TMCO5A: variants seen among roughly 807,000 people sequenced by gnomAD.
TMCO5A encodes the protein transmembrane and coiled-coil domain-containing protein 5A.
In TMCO5A, 34 loss-of-function variants were observed where a neutral mutation model predicts 42.3. The observed-to-expected ratio is 0.80, with a 90% confidence interval of 0.61 to 1.07. The LOEUF is 1.07. Among genes scored for constraint, TMCO5A ranks in the 50% least tolerant of loss-of-function variants. The pLI, the probability that TMCO5A is intolerant of heterozygous loss-of-function variation, is 0.00. For missense variants in TMCO5A, 357 were observed against 327.9 expected, an observed-to-expected ratio of 1.09 and a Z score of -0.69; for synonymous variants, 131 against 115.6, an observed-to-expected ratio of 1.13 and a Z score of -0.86.
the TMCO5A span, among the ~76,000 whole-genome samples, chr15:38,038,701 C>T: frequency 5.2e-3 from 787 of 152,222 alleles, 11 homozygotes; most frequent in African/African-American, 0.018. Flanking sequence ...CCACAACACC[C>T]GGCCTCGGAA....
intron 11 of TMCO5A, among the ~76,000 whole-genome samples, chr15:37,966,286 G>C (rs868220826): frequency 6.8e-6 from 1 of 146,590 alleles, no homozygotes; most frequent in Non-Finnish European, 1.5e-5. Flanking sequence ...ATGCTTAGTG[G>C]TTTTTTTTTT....
intron 11 of TMCO5A, among the ~76,000 whole-genome samples, chr15:37,948,913 G>C (rs1031786235): frequency 6.6e-6 from 1 of 152,034 alleles, no homozygotes; most frequent in Non-Finnish European, 1.5e-5. Flanking sequence ...TGACCAAGGT[G>C]TTGTACTGAA....
intron 11 of TMCO5A, among the ~76,000 whole-genome samples, chr15:37,947,946 A>C (rs1327842829): frequency 4.6e-5 from 7 of 152,242 alleles, no homozygotes; most frequent in African/African-American, 1.7e-4. Flanking sequence ...TGGTATTAAG[A>C]AATAGAAATT....
the TMCO5A span, chr15:38,004,789 T>C: frequency 6.6e-6 from 1 of 152,246 alleles, no homozygotes; most frequent in African/African-American, 2.4e-5. Flanking sequence ...CTGTCTTTCC[T>C]ACCCTCTTCA....
chr15:37,996,387 C>T, the TMCO5A span, among the ~76,000 whole-genome samples: 1 of 152,268 alleles, frequency 6.6e-6, no homozygotes, highest in Admixed American at 6.5e-5. Flanking sequence ...TCAACGTGGG[C>T]GCCTTCCAGG....
At chr15:38,019,113 A>T in the TMCO5A span, among the ~76,000 whole-genome samples, 11 of 152,294 alleles carry the variant, frequency 7.2e-5, no homozygotes, top group African/African-American at 2.6e-4. Context: ...AAAATAAATC[A>T]TAGTGAAGAA....
At chr15:38,038,560 C>T in the TMCO5A span, among the ~76,000 whole-genome samples, 1 of 152,168 alleles carries the variant, frequency 6.6e-6, no homozygotes, top group South Asian at 2.1e-4. Flanking sequence ...CACCCACCAC[C>T]ACGCCCGGCT....
intron 11 of TMCO5A, among the ~76,000 whole-genome samples, chr15:37,958,799 A>G (rs1336722707): frequency 1.3e-5 from 2 of 152,060 alleles, no homozygotes; most frequent in African/African-American, 2.4e-5. Flanking sequence ...AAATCATTCT[A>G]CTAAAAAGAC....
chr15:38,036,489 CTCTCTCT>C, the TMCO5A span, among the ~76,000 whole-genome samples: 3 of 92,696 alleles, frequency 3.2e-5, no homozygotes, highest in African/African-American at 1.3e-4. Flanking sequence ...TTTTGTCTCT[CTCTCTCT>C]CACACACACA....
chr15:37,979,474 C>T, the TMCO5A span, among the ~76,000 whole-genome samples: 137 of 152,270 alleles, frequency 9.0e-4, 1 homozygote, highest in African/African-American at 3.1e-3. Flanking sequence ...AAATCCACAC[C>T]CTCTAAACTC....
chr15:37,999,573 A>G, the TMCO5A span, among the ~76,000 whole-genome samples: 3 of 152,168 alleles, frequency 2.0e-5, no homozygotes, highest in Non-Finnish European at 4.4e-5. Context: ...TATGTTGAAT[A>G]ACAATAGTGA....
At chr15:37,960,186 AC>A in intron 11 of TMCO5A, among the ~76,000 whole-genome samples, 1 of 151,440 alleles carries the variant, frequency 6.6e-6, no homozygotes. Flanking sequence ...CTCACCCCCT[AC>A]CACTCTTCCC....
chr15:38,011,262 TAATAGTAGAC>T, the TMCO5A span, among the ~76,000 whole-genome samples: 1 of 152,146 alleles, frequency 6.6e-6, no homozygotes, highest in African/African-American at 2.4e-5. Flanking sequence ...CAGTGCTGCA[TAATAGTAGAC>T]TGAGGGCCTC....
chr15:37,942,388 T>A, intron 9 of TMCO5A, 133 bp downstream of exon 9: 3 of 799,164 alleles, frequency 3.8e-6, no homozygotes, highest in Non-Finnish European at 6.1e-6. Context: ...TGCCCTCTGT[T>A]AGTGATCTGG....
At chr15:37,983,701 CT>C in the TMCO5A span, among the ~76,000 whole-genome samples, 1 of 148,676 alleles carries the variant, frequency 6.7e-6, no homozygotes, top group African/African-American at 2.6e-5. Context: ...CTTGTGAGTC[CT>C]TTTTTTTCTT....
chr15:37,937,306 A>T, intron 4 of TMCO5A, 40 bp from the exon 5 acceptor site: 1 of 1,606,766 alleles, frequency 6.2e-7, no homozygotes, highest in Non-Finnish European at 8.5e-7. Context: ...GAACAGATGG[A>T]GTACAGAGGC....
At chr15:37,963,544 G>C (rs971042941) in intron 11 of TMCO5A, among the ~76,000 whole-genome samples, 2 of 152,120 alleles carry the variant, frequency 1.3e-5, no homozygotes, top group African/African-American at 4.8e-5. Flanking sequence ...TGGATAAAAT[G>C]TTCTGTATGT....
the TMCO5A span, among the ~76,000 whole-genome samples, chr15:37,979,739 G>A: frequency 1.9e-3 from 282 of 152,222 alleles, 4 homozygotes; most frequent in East Asian, 0.029. Flanking sequence ...GCAAGGGCAG[G>A]AGCTCCAGAG....
chr15:37,977,902 T>C, the TMCO5A span, among the ~76,000 whole-genome samples: 1 of 152,162 alleles, frequency 6.6e-6, no homozygotes, highest in Non-Finnish European at 1.5e-5. Flanking sequence ...TGGCAACAAA[T>C]AGTGGGGGCA....
Sources: gnomAD v4.1 joint callset for allele counts (sites outside exome capture counted in the v4.1 genomes callset) on GRCh38, gnomAD v4.1.1 for gene constraint, MANE v1.5 for transcripts, NCBI Gene and HGNC (gene_info 2026-07-23, HGNC 2026-07-21) for gene names.